Variants in KRTAP4-2 observed in about 807,000 individuals in gnomAD.
KRTAP4-2 encodes keratin associated protein 4-2.
For synonymous variants in KRTAP4-2, 56 were observed against 63.5 expected, an observed-to-expected ratio of 0.88 and a Z score of 0.56; for missense variants, 178 against 177.3, an observed-to-expected ratio of 1.00 and a Z score of -0.02.
In KRTAP4-2 at chr17:41,177,753, A is replaced by C; in HGVS notation, c.*1T>G. ...AAGGCAGGTGAGTATAGGTGAGGGC[A>C]TCAGCAGCAAGAGCCACTAGAGCAG... On this transcript the variant is annotated 3_prime_UTR_variant, in exon 1 of 1. Transcript: ENST00000377726. 6.2e-7 allele frequency: 1 copy of C among 1,613,008 alleles called. No individual in the cohort carries two copies. Among genetic ancestry groups the C allele is most frequent in the Non-Finnish European group, 8.5e-7 (1 of 1,179,462 alleles).
rs1038907661 is a variant in KRTAP4-2, at chr17:41,178,093, G to C, written c.72C>G (p.Ser24Arg). Reference sequence around the variant, plus strand: ...TCCTGCAGCAGGTGGTCTGGCAGCAGCTGGGACGGCAGCAGTTCTCTAGGC... The same window carrying C: ...TCCTGCAGCAGGTGGTCTGGCAGCACCTGGGACGGCAGCAGTTCTCTAGGC... ...GCGLENCCRPSCCQTTCCRTT... is the reference protein window; with the variant it reads ...GCGLENCCRPRCCQTTCCRTT... Residue 24 changes from serine to arginine, a missense_variant, in exon 1 of 1, where the codon AGC becomes AGG. Coordinates refer to ENST00000377726, the MANE Select transcript of KRTAP4-2 (RefSeq NM_033062.4). 4 of 1,614,162 alleles carry C rather than the reference G, an allele frequency of 2.5e-6. No homozygotes were observed. In the African/African-American group the frequency reaches 5.3e-5, roughly 22 times the overall value.
Position 41,178,200 on chromosome 17 carries a change from G to C in KRTAP4-2, c.-36C>G. Reference sequence around the variant, plus strand: ...GGTGGAGGTTCTGGGTGGATTTCCAGGAAGGTGGGTTTGGAAGGTTTGGAA... The same window carrying C: ...GGTGGAGGTTCTGGGTGGATTTCCACGAAGGTGGGTTTGGAAGGTTTGGAA... On this transcript the variant is annotated 5_prime_UTR_variant, in exon 1 of 1. Coordinates refer to ENST00000377726, the MANE Select transcript of KRTAP4-2 (RefSeq NM_033062.4). The C allele has an allele frequency of 6.3e-7, 1 of 1,590,082 alleles. No homozygotes were observed. Among genetic ancestry groups the C allele is most frequent in the Non-Finnish European group, 8.6e-7 (1 of 1,166,124 alleles).
chr17:41,177,785 C>T lies in KRTAP4-2; in HGVS notation c.380G>A (p.Arg127His), dbSNP rs200513247. The T allele has an allele frequency of 1.4e-5, 22 of 1,613,878 alleles. No individual in the cohort carries two copies. The highest frequency in any genetic ancestry group is 5.3e-5 in the African/African-American group (4 of 75,034). Residue 127 changes from arginine (R) to histidine (H), a missense_variant, in exon 1 of 1, where the codon CGC becomes CAC. Physicochemically the swap from Arg to His is conservative, Grantham distance 29 (BLOSUM62 0). Coordinates refer to ENST00000377726, the MANE Select transcript of KRTAP4-2 (RefSeq NM_033062.4). Reference sequence around the variant, plus strand: ...GCAAGAGCCACTAGAGCAGGTTGGGCGGCAGCAGGTGGACACACAGCAGCT... The same window carrying T: ...GCAAGAGCCACTAGAGCAGGTTGGGTGGCAGCAGGTGGACACACAGCAGCT... ...RPSCCVSTCC[R>H]PTCSSGSCC
rs1473798038 is a variant in KRTAP4-2, at chr17:41,177,977, G to T, written c.188C>A (p.Pro63His). The change falls in exon 1 of 1, where the codon CCC becomes CAC. Residue 63 changes from proline (P) to histidine (H), a missense_variant. Physicochemically the swap from Pro to His is moderately conservative, Grantham distance 77. Coordinates refer to ENST00000377726, the MANE Select transcript of KRTAP4-2 (RefSeq NM_033062.4). ...GCAGCAAGTGGTCTGGCAGCAGCTG[G>T]GGCTGCAGCAGGTGGGCTGGCAGCA... ...SVCCQPTCCS[P>H]SCCQTTCCRT... 3 of 1,605,336 alleles carry T rather than the reference G, an allele frequency of 1.9e-6. No individual in the cohort carries two copies. The African/African-American group carries it at 4.0e-5, about 22-fold the overall frequency.
At position 41,177,880 on chromosome 17, in the gene KRTAP4-2, G is replaced by C. The variant is rs540328052; in HGVS notation, c.285C>G (p.Tyr95Ter). 5.7e-6 allele frequency: 9 copies of C among 1,581,642 alleles called. No individual in the cohort carries two copies. In the Admixed American group the frequency reaches 1.2e-4, roughly 22 times the overall value. ...CFRPQCCQSV[Y>*]CQPTCCRPSC... ...TGGGGCGGCAGCAGGTGGGCTGGCA[G>C]TACACAGACTGGCAGCACTGGGGTC... Residue 95 changes from tyrosine (Y) to a stop codon, truncating the protein, a stop_gained, in exon 1 of 1, where the codon TAC (tyrosine) becomes TAG (stop). Coordinates refer to ENST00000377726, the MANE Select transcript of KRTAP4-2 (RefSeq NM_033062.4). LOFTEE classifies it low-confidence loss of function (END_TRUNC).
chr17:41,177,863 C>G lies in KRTAP4-2; in HGVS notation c.302G>C (p.Cys101Ser). Reference sequence around the variant, plus strand: ...GGTGGTCTGGCCACAGCTGGGGCGGCAGCAGGTGGGCTGGCAGTACACAGA... The same window carrying G: ...GGTGGTCTGGCCACAGCTGGGGCGGGAGCAGGTGGGCTGGCAGTACACAGA... ...CQSVYCQPTCCRPSCGQTTCC... is the reference protein window; with the variant it reads ...CQSVYCQPTCSRPSCGQTTCC... Residue 101 changes from cysteine to serine, a missense_variant, in exon 1 of 1, where the codon TGC (cysteine) becomes TCC (serine). Cys to Ser is a moderately radical substitution (Grantham distance 112, BLOSUM62 -1). Coordinates refer to ENST00000377726, the MANE Select transcript of KRTAP4-2 (RefSeq NM_033062.4). The G allele has an allele frequency of 1.1e-5, 18 of 1,580,672 alleles. No individual in the cohort carries two copies. The highest frequency in any genetic ancestry group is 1.4e-5 in the Non-Finnish European group (16 of 1,160,452).
chr17:41,177,641 T>C lies in KRTAP4-2; in HGVS notation c.*113A>G, dbSNP rs533415326. On this transcript the variant is annotated 3_prime_UTR_variant, in exon 1 of 1. Coordinates refer to ENST00000377726, the MANE Select transcript of KRTAP4-2 (RefSeq NM_033062.4). ...GAGCATATTTGGAGGCCAAACTCAA[T>C]CCAAGAATTGGTTGGAACTGAGGTT... is the stretch of plus-strand genomic sequence containing the variant. 5.3e-6 allele frequency: 8 copies of C among 1,509,570 alleles called. No homozygotes were observed. The African/African-American group carries it at 9.7e-5, about 18-fold the overall frequency. The allele number at this position is 1,509,570 out of a possible 1,614,324, so 93.5% of individuals were successfully genotyped here.
chr17:41,177,604 A>G lies in KRTAP4-2; in HGVS notation c.*150T>C. ...TATTCATTTGGTAGAGGGTAGCAAC[A>G]TAGTGTTTGGTGAGCATATTTGGAG... On this transcript the variant is annotated 3_prime_UTR_variant, in exon 1 of 1. Coordinates refer to ENST00000377726, the MANE Select transcript of KRTAP4-2 (RefSeq NM_033062.4). The G allele has an allele frequency of 1.6e-6, 2 of 1,222,072 alleles. No homozygotes were observed. The highest frequency in any genetic ancestry group is 1.5e-5 in the African/African-American group (1 of 66,124). 75.7% of individuals were successfully genotyped at this position (1,222,072 alleles called of 1,614,324 possible).
At position 41,178,021 on chromosome 17, in the gene KRTAP4-2, C is replaced by A. The variant is rs201015994; in HGVS notation, c.144G>T (p.Pro48=). Residue 48 remains proline, a synonymous_variant, in exon 1 of 1, where the codon CCG becomes CCT. Coordinates refer to ENST00000377726, the MANE Select transcript of KRTAP4-2 (RefSeq NM_033062.4). ...GGCAGCACACAGACTGGCAGCACTGCGGTCTGCAGCAGCTGGACACACAGC... is the reference window on the plus strand; with the variant it reads ...GGCAGCACACAGACTGGCAGCACTGAGGTCTGCAGCAGCTGGACACACAGC... The part of the protein sequence containing the change: ...PSCCVSSCCR[P]QCCQSVCCQP... 1.3e-6 allele frequency: 2 copies of A among 1,524,854 alleles called. No homozygotes were observed. Among genetic ancestry groups the A allele is most frequent in the Non-Finnish European group, 1.8e-6 (2 of 1,140,108 alleles). The allele number at this position is 1,524,854 out of a possible 1,614,324, so 94.5% of individuals were successfully genotyped here. A position where few individuals can be genotyped will look rare whatever the true frequency, so the allele number is the denominator to read the frequency against.
Position 41,177,476 on chromosome 17 carries a change from T to C in KRTAP4-2, c.*278A>G. 1 of 521,332 alleles carries C rather than the reference T, an allele frequency of 1.9e-6. No homozygotes were observed. Among genetic ancestry groups the C allele is most frequent in the Non-Finnish European group, 3.3e-6 (1 of 305,806 alleles). 32.3% of individuals were successfully genotyped at this position (521,332 alleles called of 1,614,324 possible). On this transcript the variant is annotated 3_prime_UTR_variant, in exon 1 of 1. Coordinates refer to ENST00000377726, the MANE Select transcript of KRTAP4-2 (RefSeq NM_033062.4). ...TGTATGCCTCAAAAATTAAAATTTATTTAAGATAGAGGAATAGCTCCATGT... is the reference window on the plus strand; with the variant it reads ...TGTATGCCTCAAAAATTAAAATTTACTTAAGATAGAGGAATAGCTCCATGT...
Position 41,177,907 on chromosome 17 carries a change from G to A in KRTAP4-2, c.258C>T (p.Phe86=). The A allele has an allele frequency of 6.3e-7, 1 of 1,584,340 alleles. No homozygotes were observed. The highest frequency in any genetic ancestry group is 8.6e-7 in the Non-Finnish European group (1 of 1,163,848). Residue 86 remains phenylalanine (F), a synonymous_variant, in exon 1 of 1, where the codon TTC becomes TTT. Coordinates refer to ENST00000377726, the MANE Select transcript of KRTAP4-2 (RefSeq NM_033062.4). ...ACACAGACTGGCAGCACTGGGGTCT[G>A]AAGCAGCTGGACACACAGCAGCTGG... is the stretch of plus-strand genomic sequence containing the variant. ...CRPSCCVSSC[F]RPQCCQSVYC...
chr17:41,177,882 A>T lies in KRTAP4-2; in HGVS notation c.283T>A (p.Tyr95Asn). 6.3e-7 allele frequency: 1 copy of T among 1,583,424 alleles called. No homozygotes were observed. The highest frequency in any genetic ancestry group is 8.6e-7 in the Non-Finnish European group (1 of 1,162,774). ...CFRPQCCQSVYCQPTCCRPSC... is the reference protein window; with the variant it reads ...CFRPQCCQSVNCQPTCCRPSC... Reference sequence around the variant, plus strand: ...GGGCGGCAGCAGGTGGGCTGGCAGTACACAGACTGGCAGCACTGGGGTCTG... The same window carrying T: ...GGGCGGCAGCAGGTGGGCTGGCAGTTCACAGACTGGCAGCACTGGGGTCTG... The change falls in exon 1 of 1, where the codon TAC becomes AAC. Residue 95 changes from tyrosine to asparagine, a missense_variant. By Grantham distance (143) the Tyr-to-Asn change is moderately radical (BLOSUM62 -2). Coordinates refer to ENST00000377726, the MANE Select transcript of KRTAP4-2 (RefSeq NM_033062.4).
chr17:41,177,974 C>G lies in KRTAP4-2; in HGVS notation c.191G>C (p.Ser64Thr). 1 of 1,605,426 alleles carries G rather than the reference C, an allele frequency of 6.2e-7. No individual in the cohort carries two copies. The change falls in exon 1 of 1, where the codon AGC becomes ACC. Residue 64 changes from serine (S) to threonine (T), a missense_variant. Ser to Thr is a moderately conservative substitution (Grantham distance 58, BLOSUM62 1). Coordinates refer to ENST00000377726, the MANE Select transcript of KRTAP4-2 (RefSeq NM_033062.4). ...VCCQPTCCSP[S>T]CCQTTCCRTT... ...CCTGCAGCAAGTGGTCTGGCAGCAG[C>G]TGGGGCTGCAGCAGGTGGGCTGGCA...
chr17:41,177,611 T>C lies in KRTAP4-2; in HGVS notation c.*143A>G. 16 of 1,294,030 alleles carry C rather than the reference T, an allele frequency of 1.2e-5. No homozygotes were observed. Among genetic ancestry groups the C allele is most frequent in the Middle Eastern group, 2.8e-4 (1 of 3,574 alleles). The allele number at this position is 1,294,030 out of a possible 1,614,324, so 80.2% of individuals were successfully genotyped here. On this transcript the variant is annotated 3_prime_UTR_variant, in exon 1 of 1. Coordinates refer to ENST00000377726, the MANE Select transcript of KRTAP4-2 (RefSeq NM_033062.4). ...TTGGTAGAGGGTAGCAACATAGTGT[T>C]TGGTGAGCATATTTGGAGGCCAAAC... is the stretch of plus-strand genomic sequence containing the variant.
In KRTAP4-2 at chr17:41,177,714, A is replaced by T; in HGVS notation, c.*40T>A. ...CAGTTCACAGGTGGATCATATCAAGAATGCTGGTTAATAAAGGCAGGTGAG... is the reference window on the plus strand; with the variant it reads ...CAGTTCACAGGTGGATCATATCAAGTATGCTGGTTAATAAAGGCAGGTGAG... On this transcript the variant is annotated 3_prime_UTR_variant, in exon 1 of 1. Transcript: ENST00000377726. The T allele has an allele frequency of 5.0e-6, 8 of 1,595,244 alleles. No individual in the cohort carries two copies. The highest frequency in any genetic ancestry group is 1.3e-5 in the African/African-American group (1 of 74,876).
At position 41,178,046 on chromosome 17, in the gene KRTAP4-2, CA is replaced by C; in HGVS notation, c.118del (p.Cys40AlafsTer118). The C allele has an allele frequency of 1.2e-6, 2 of 1,613,262 alleles. No homozygotes were observed. Among genetic ancestry groups the C allele is most frequent in the Non-Finnish European group, 8.5e-7 (1 of 1,179,716 alleles). ...CCRTTCCRPSCCVSSCCRPQC... is the reference protein window; with the variant it reads ...CCRTTCCRPSXCVSSCCRPQC... Reference sequence around the variant, plus strand: ...CGGTCTGCAGCAGCTGGACACACAGCAGCTGGGGCGGCAGCAGGTGGTCCTG... The same window carrying C: ...CGGTCTGCAGCAGCTGGACACACAGCGCTGGGGCGGCAGCAGGTGGTCCTG... On this transcript the variant is annotated frameshift_variant, in exon 1 of 1. Transcript: ENST00000377726. LOFTEE classifies it low-confidence loss of function (END_TRUNC).
rs1555591857 is a variant in KRTAP4-2, at chr17:41,178,037, G to C, written c.128C>G (p.Ser43Cys). 1.9e-6 allele frequency: 3 copies of C among 1,612,796 alleles called. 1 individual carries two copies. The South Asian group carries it at 3.3e-5, about 18-fold the overall frequency. ...TTCCRPSCCV[S>C]SCCRPQCCQS... The stretch of plus-strand genomic sequence containing the variant: ...GCAGCACTGCGGTCTGCAGCAGCTG[G>C]ACACACAGCAGCTGGGGCGGCAGCA... The change falls in exon 1 of 1, where the codon TCC (serine) becomes TGC (cysteine). Residue 43 changes from serine to cysteine, a missense_variant. By Grantham distance (112) the Ser-to-Cys change is moderately radical. Coordinates refer to ENST00000377726, the MANE Select transcript of KRTAP4-2 (RefSeq NM_033062.4).
chr17:41,177,458 C>A lies in KRTAP4-2; in HGVS notation c.*296G>T. On this transcript the variant is annotated 3_prime_UTR_variant, in exon 1 of 1. Coordinates refer to ENST00000377726, the MANE Select transcript of KRTAP4-2 (RefSeq NM_033062.4). ...CAATGCCCGTATATTATTTGTATGC[C>A]TCAAAAATTAAAATTTATTTAAGAT... 4.0e-6 allele frequency: 2 copies of A among 498,814 alleles called. No homozygotes were observed. Among genetic ancestry groups the A allele is most frequent in the Admixed American group, 3.7e-5 (1 of 26,736 alleles). The allele number at this position is 498,814 out of a possible 1,614,324, so 30.9% of individuals were successfully genotyped here.
In KRTAP4-2 at chr17:41,177,748, A is replaced by G. The variant is rs1339910442; in HGVS notation, c.*6T>C. ...TAATAAAGGCAGGTGAGTATAGGTG[A>G]GGGCATCAGCAGCAAGAGCCACTAG... On this transcript the variant is annotated 3_prime_UTR_variant, in exon 1 of 1. Coordinates refer to ENST00000377726, the MANE Select transcript of KRTAP4-2 (RefSeq NM_033062.4). 1 of 1,612,400 alleles carries G rather than the reference A, an allele frequency of 6.2e-7. No homozygotes were observed. Among genetic ancestry groups the G allele is most frequent in the South Asian group, 1.1e-5 (1 of 90,814 alleles).
Sources: allele counts gnomAD v4.1 joint callset, GRCh38; gene constraint gnomAD v4.1.1; transcripts MANE v1.5; gene names NCBI Gene and HGNC (gene_info 2026-07-23, HGNC 2026-07-21).